Variants in RTL9 observed in about 807,000 individuals in gnomAD.
The protein encoded by RTL9 is retrotransposon Gag like 9, also known as retrotransposon Gag-like protein 9.
In RTL9, 19 loss-of-function variants were observed where a neutral mutation model predicts 44.7. The observed-to-expected ratio is 0.42, with a 90% CI of 0.30 to 0.62. RTL9 has a LOEUF of 0.62. RTL9 is among the 20% of genes least tolerant of loss of function. The pLI, the probability that RTL9 is intolerant of heterozygous loss-of-function variation, is 0.16. For synonymous variants in RTL9, 407 were observed against 398.9 expected, an observed-to-expected ratio of 1.02 and a Z score of -0.24; for missense variants, 1,105 against 1,080.6, an observed-to-expected ratio of 1.02 and a Z score of -0.32.
intron 1 of RTL9, among the ~76,000 whole-genome samples, chrX:110,406,844 G>T (rs1218585462): frequency 1.8e-5 from 2 of 111,872 alleles, no homozygotes; most frequent in East Asian, 5.5e-4. Flanking sequence ...ATGAATGTGT[G>T]GATGTTTCAT....
chrX:110,387,156 T>A (rs960428983), intron 1 of RTL9, among the ~76,000 whole-genome samples: 1 of 111,601 alleles, frequency 9.0e-6, no homozygotes, highest in Non-Finnish European at 1.9e-5. Context: ...ATTGACTGTT[T>A]TTGAGGTGAG....
intron 1 of RTL9, among the ~76,000 whole-genome samples, chrX:110,390,576 T>C (rs2068487878): frequency 9.0e-6 from 1 of 111,408 alleles, no homozygotes; most frequent in East Asian, 2.8e-4. Context: ...TCCACTACTG[T>C]AGATCCAAAA....
chrX:110,426,153 C>T (rs1306730235), intron 1 of RTL9, among the ~76,000 whole-genome samples: 5 of 111,956 alleles, frequency 4.5e-5, no homozygotes, highest in East Asian at 5.6e-4. Flanking sequence ...TAACCTAAAG[C>T]GGGGGTTTTG....
chrX:110,433,503 A>G (rs1174169888), intron 1 of RTL9, among the ~76,000 whole-genome samples: 2 of 111,686 alleles, frequency 1.8e-5, no homozygotes, highest in African/African-American at 6.5e-5. Flanking sequence ...GAAGGAAGGG[A>G]AAAACTGGAG....
Position 110,451,764 on chromosome X carries a change from G to C in RTL9, c.1147G>C (p.Glu383Gln), listed in dbSNP as rs1005978898. ...ATGGTCAACACAAAATGTAGACTCT[G>C]AAATGATGTCTAATCCGCCAGTGAG... Residue 383 changes from glutamate (E) to glutamine (Q), a missense_variant, in exon 1 of 2, where the codon GAA (glutamate) becomes CAA (glutamine). By Grantham distance (29) the Glu-to-Gln change is conservative. Transcript: ENST00000540313. The C allele has an allele frequency of 2.5e-6, 3 of 1,211,735 alleles. No individual in the cohort carries two copies. The highest frequency in any genetic ancestry group is 3.4e-6 in the Non-Finnish European group (3 of 895,461).
At chrX:110,400,466 G>T (rs1351523656) in intron 1 of RTL9, among the ~76,000 whole-genome samples, 2 of 109,821 alleles carry the variant, frequency 1.8e-5, no homozygotes, top group Non-Finnish European at 3.8e-5. Context: ...TCTTTTCTCT[G>T]CTCAGAAGTG....
At chrX:110,386,882 T>G (rs1443358579) in intron 1 of RTL9, among the ~76,000 whole-genome samples, 1 of 112,338 alleles carries the variant, frequency 8.9e-6, no homozygotes, top group African/African-American at 3.2e-5. Flanking sequence ...GAAGAGAAGA[T>G]GCAAACATGT....
At chrX:110,378,008 CAAAA>C (rs755483656) in intron 1 of RTL9, among the ~76,000 whole-genome samples, 17 of 30,943 alleles carry the variant, frequency 5.5e-4, no homozygotes, top group African/African-American at 1.9e-3. Context: ...GACTCCGTCT[CAAAA>C]AAAAAAAAAA....
At chrX:110,436,553 C>T (rs1049706952) in intron 1 of RTL9, among the ~76,000 whole-genome samples, 6 of 112,020 alleles carry the variant, frequency 5.4e-5, no homozygotes, top group Non-Finnish European at 9.4e-5. Flanking sequence ...AGGGATGCTT[C>T]CCACTCCTCT....
chrX:110,372,074 C>G (rs1202244081), intron 1 of RTL9, among the ~76,000 whole-genome samples: 1 of 111,499 alleles, frequency 9.0e-6, no homozygotes, highest in South Asian at 3.8e-4. Flanking sequence ...ATATCACTCC[C>G]TTTGAGAAAG....
At chrX:110,399,585 GT>G (rs2068550672) in intron 1 of RTL9, among the ~76,000 whole-genome samples, 1 of 112,552 alleles carries the variant, frequency 8.9e-6, no homozygotes, top group African/African-American at 3.2e-5. Context: ...CATATTAGAT[GT>G]GATACAAATT....
chrX:110,363,773 A>G (rs2068279486), intron 1 of RTL9, among the ~76,000 whole-genome samples: 1 of 111,068 alleles, frequency 9.0e-6, no homozygotes, highest in African/African-American at 3.3e-5. Flanking sequence ...CTATCTCTTC[A>G]CTCACCAGTA....
chrX:110,389,614 GT>G (rs1003890567), intron 1 of RTL9, among the ~76,000 whole-genome samples: 25 of 106,406 alleles, frequency 2.3e-4, no homozygotes, highest in East Asian at 1.4e-3. Context: ...CAATCTTTTT[GT>G]TTTTTTTTTC....
chrX:110,392,872 A>T (rs1602962054), intron 1 of RTL9, among the ~76,000 whole-genome samples: 1 of 112,230 alleles, frequency 8.9e-6, no homozygotes, highest in South Asian at 3.8e-4. Context: ...CAGCAATAAA[A>T]AGATTTGATG....
At chrX:110,441,360 C>T (rs745793223) in intron 1 of RTL9, among the ~76,000 whole-genome samples, 7 of 111,908 alleles carry the variant, frequency 6.3e-5, no homozygotes, top group Non-Finnish European at 9.4e-5. Context: ...ATGCCTATGG[C>T]GAGCCCAAGA....
In RTL9 at chrX:110,429,410, C is replaced by T. The variant is rs141325527; in HGVS notation, c.-168+10275C>T. Among the ~76,000 whole-genome samples, 646 of 110,797 alleles carry T rather than the reference C, an allele frequency of 5.8e-3. 2 individuals are homozygous for T. The highest frequency in any genetic ancestry group is 0.02 in the African/African-American group (606 of 30,317). On this transcript the variant is annotated intron_variant, in intron 1 of 3. Transcript: ENST00000465301. Reference sequence around the variant, plus strand: ...AGCTATGCAACATTGAAGGAGTCACCTCACTTCTCTTTGCCATCTATAAAA... The same window carrying T: ...AGCTATGCAACATTGAAGGAGTCACTTCACTTCTCTTTGCCATCTATAAAA...
At chrX:110,374,436 A>G (rs1462509947) in intron 1 of RTL9, among the ~76,000 whole-genome samples, 1 of 111,957 alleles carries the variant, frequency 8.9e-6, no homozygotes, top group Non-Finnish European at 1.9e-5. Context: ...ACAGCCTGAG[A>G]TTGGATCCCC....
intron 1 of RTL9, among the ~76,000 whole-genome samples, chrX:110,363,894 A>C (rs923235222): frequency 5.4e-5 from 6 of 111,984 alleles, no homozygotes; most frequent in African/African-American, 1.9e-4. Flanking sequence ...TATTAGTTCC[A>C]TTTTCAAATG....
At chrX:110,368,861 C>T (rs1399277046) in intron 1 of RTL9, among the ~76,000 whole-genome samples, 1 of 111,394 alleles carries the variant, frequency 9.0e-6, no homozygotes, top group Non-Finnish European at 1.9e-5. Context: ...TTCCAAGATT[C>T]CTGCCATCTT....
Sources: allele counts gnomAD v4.1 joint callset (sites outside exome capture counted in the v4.1 genomes callset), GRCh38; gene constraint gnomAD v4.1.1; transcripts MANE v1.5; gene names NCBI Gene and HGNC (gene_info 2026-07-23, HGNC 2026-07-21).